Variants in TAFA5 observed in about 807,000 individuals in gnomAD.
TAFA5 encodes the protein chemokine-like protein TAFA-5.
Under a neutral mutation model 15.3 loss-of-function variants are expected in TAFA5, and 6 were observed. The ratio of observed to expected loss-of-function variants is 0.39; its 90% CI spans 0.21 to 0.77. TAFA5 has a LOEUF of 0.77. Among genes scored for constraint, TAFA5 ranks in the 30% least tolerant of loss-of-function variants. The probability of loss-of-function intolerance (pLI) is 0.41; values close to 1 mark genes in which losing one functional copy is unlikely to be tolerated. For synonymous variants in TAFA5, 103 were observed against 80.7 expected (o/e 1.28, Z -1.48); for missense variants, 161 against 193.1 (o/e 0.83, Z 0.98).
chr22:48,494,212 T>A (rs767465762), intron 1 of TAFA5, among the ~76,000 whole-genome samples: 9 of 152,232 alleles, frequency 5.9e-5, no homozygotes, highest in Non-Finnish European at 1.2e-4. Context: ...GGGAAAATGT[T>A]ATGATAATGT....
At chr22:48,605,873 G>A (rs1002216539) in intron 1 of TAFA5, among the ~76,000 whole-genome samples, 3 of 152,148 alleles carry the variant, frequency 2.0e-5, no homozygotes, top group Admixed American at 6.5e-5. Context: ...GAGTGTAAGC[G>A]TCCATGAGGG....
intron 3 of TAFA5, among the ~76,000 whole-genome samples, chr22:48,739,480 T>C (rs988474426): frequency 6.6e-6 from 1 of 152,200 alleles, no homozygotes; most frequent in African/African-American, 2.4e-5. Context: ...GCATAGCGAA[T>C]GCCTGTGCAC....
At chr22:48,506,207 A>G (rs1332933696) in intron 1 of TAFA5, among the ~76,000 whole-genome samples, 1 of 152,244 alleles carries the variant, frequency 6.6e-6, no homozygotes, top group East Asian at 1.9e-4. Flanking sequence ...CCTGGTCTCC[A>G]TGACCTTTCA....
At chr22:48,634,316 A>G (rs1926361944) in intron 1 of TAFA5, among the ~76,000 whole-genome samples, 1 of 151,986 alleles carries the variant, frequency 6.6e-6, no homozygotes, top group South Asian at 2.1e-4. Context: ...TCACTCATTT[A>G]TTCACTCACT....
chr22:48,679,275 C>G (rs1165977867), intron 2 of TAFA5, among the ~76,000 whole-genome samples: 6 of 116,654 alleles, frequency 5.1e-5, no homozygotes, highest in Non-Finnish European at 1.0e-4. Flanking sequence ...CCCATCCATC[C>G]CTCTTCCGGC....
At chr22:48,744,188 C>A (rs1930261742) in intron 3 of TAFA5, among the ~76,000 whole-genome samples, 3 of 152,102 alleles carry the variant, frequency 2.0e-5, no homozygotes, top group Non-Finnish European at 4.4e-5. Flanking sequence ...ATGCTGGCTC[C>A]ATGATGGCCC....
intron 1 of TAFA5, among the ~76,000 whole-genome samples, chr22:48,528,570 G>A (rs1360024738): frequency 6.6e-6 from 1 of 152,210 alleles, no homozygotes; most frequent in Non-Finnish European, 1.5e-5. Flanking sequence ...AGGAGTCTGA[G>A]CCTGTGCACC....
At position 48,745,420 on chromosome 22, in the gene TAFA5, C is replaced by T. The variant is rs12159161; in HGVS notation, c.391-4419C>T. Among the ~76,000 whole-genome samples, 332 of 142,496 alleles carry T rather than the reference C, an allele frequency of 2.3e-3. 5 individuals are homozygous for T. The highest frequency in any genetic ancestry group is 7.4e-3 in the African/African-American group (270 of 36,584). 93.5% of individuals were successfully genotyped at this position (142,496 alleles called of 152,430 possible). On this transcript the variant is annotated intron_variant, in intron 3 of 3. Coordinates refer to ENST00000402357, the MANE Select transcript of TAFA5 (RefSeq NM_001082967.3). ...GCATGGGCACACACGGCTTTGTCGTCGGCGGCTGGCCTGCCCGGGGTTCAC... is the reference window on the plus strand; with the variant it reads ...GCATGGGCACACACGGCTTTGTCGTTGGCGGCTGGCCTGCCCGGGGTTCAC...
chr22:48,700,113 C>T (rs1928857411), intron 2 of TAFA5, among the ~76,000 whole-genome samples: 2 of 152,196 alleles, frequency 1.3e-5, no homozygotes, highest in Non-Finnish European at 1.5e-5. Context: ...AAGTGTCCCT[C>T]CAGATCACAC....
intron 1 of TAFA5, among the ~76,000 whole-genome samples, chr22:48,546,260 G>A (rs1200111533): frequency 6.6e-6 from 1 of 152,244 alleles, no homozygotes; most frequent in South Asian, 2.1e-4. Flanking sequence ...ATTCCCAGCA[G>A]CTGAGGCTCC....
intron 1 of TAFA5, among the ~76,000 whole-genome samples, chr22:48,632,560 A>G (rs189576163): frequency 1.3e-5 from 2 of 151,266 alleles, no homozygotes; most frequent in South Asian, 2.1e-4. Flanking sequence ...ACTAGGGTGA[A>G]ACAAGACGCA....
rs1381021054 is a variant in TAFA5, at chr22:48,702,421, C to G, written c.263-5296C>G. On this transcript the variant is annotated intron_variant, in intron 2 of 3. Coordinates refer to ENST00000402357, the MANE Select transcript of TAFA5 (RefSeq NM_001082967.3). ...GGACAAACCCACTCTGAGACGCACT[C>G]CTATGCCCCCTTTCTATCCTAGGCA... 3.9e-5 allele frequency among the ~76,000 whole-genome samples: 6 copies of G among 152,194 alleles called. No homozygotes were observed. In the East Asian group the frequency reaches 1.2e-3, roughly 30 times the overall value.
At chr22:48,499,530 C>G (rs532177306) in intron 1 of TAFA5, among the ~76,000 whole-genome samples, 32 of 152,292 alleles carry the variant, frequency 2.1e-4, no homozygotes, top group Non-Finnish European at 4.1e-4. Context: ...TTCTAGCCGG[C>G]TCCCCTGACT....
intron 1 of TAFA5, among the ~76,000 whole-genome samples, chr22:48,510,985 G>A (rs1405114948): frequency 6.6e-6 from 1 of 152,214 alleles, no homozygotes; most frequent in Non-Finnish European, 1.5e-5. Flanking sequence ...GAGGGGCTGG[G>A]CACCCCATGT....
At chr22:48,720,514 C>T (rs1218539655) in intron 3 of TAFA5, among the ~76,000 whole-genome samples, 13 of 152,162 alleles carry the variant, frequency 8.5e-5, no homozygotes, top group Admixed American at 8.5e-4. Context: ...AAATGGCAGA[C>T]AGCACTCTGT....
intron 3 of TAFA5, among the ~76,000 whole-genome samples, chr22:48,747,929 C>T (rs1930375995): frequency 1.3e-5 from 2 of 150,878 alleles, no homozygotes; most frequent in Admixed American, 6.6e-5. Context: ...ATAGCGTGTT[C>T]CTTCATACAG....
chr22:48,730,861 A>G (rs559854307), intron 3 of TAFA5, among the ~76,000 whole-genome samples: 4 of 152,282 alleles, frequency 2.6e-5, no homozygotes, highest in African/African-American at 9.6e-5. Flanking sequence ...TAGGCTAATT[A>G]ATAACCCTAC....
intron 2 of TAFA5, among the ~76,000 whole-genome samples, chr22:48,652,840 G>A (rs1398560338): frequency 6.6e-6 from 1 of 151,254 alleles, no homozygotes; most frequent in East Asian, 2.0e-4. Flanking sequence ...GGACATGTCG[G>A]CTTCCTTCTG....
chr22:48,660,295 G>C (rs138957510), intron 2 of TAFA5, among the ~76,000 whole-genome samples: 17 of 152,312 alleles, frequency 1.1e-4, no homozygotes, highest in Non-Finnish European at 1.9e-4. Flanking sequence ...AGTGGCGCTT[G>C]AGCACAGTTG....
Sources: gnomAD v4.1 joint callset for allele counts (sites outside exome capture counted in the v4.1 genomes callset) on GRCh38, gnomAD v4.1.1 for gene constraint, MANE v1.5 for transcripts, NCBI Gene and HGNC (gene_info 2026-07-23, HGNC 2026-07-21) for gene names.